The following RAB27B variants were observed in gnomAD, a reference collection of about 807,000 sequenced individuals.
RAB27B encodes RAB27B, member RAS oncogene family, also known as ras-related protein Rab-27B.
In RAB27B, 15 loss-of-function variants were observed where a neutral mutation model predicts 24.6. The observed-to-expected ratio is 0.61, with a 90% CI of 0.41 to 0.94. The LOEUF (loss-of-function observed/expected upper bound fraction) is 0.94. Ranked by LOEUF, RAB27B falls within the 40% of genes least tolerant of loss-of-function variation. The pLI is 0.00. For missense variants in RAB27B, 261 were observed against 266.8 expected (o/e 0.98, Z 0.15); for synonymous variants, 105 against 92.5 (o/e 1.14, Z -0.78).
At chr18:54,808,247 G>C (rs1909855951) in intron 2 of RAB27B, among the ~76,000 whole-genome samples, 1 of 152,168 alleles carries the variant, frequency 6.6e-6, no homozygotes, top group African/African-American at 2.4e-5. Context: ...GCTTGGTACA[G>C]ATGACCCTCC....
At chr18:54,761,851 T>A (rs1908199670) in intron 2 of RAB27B, among the ~76,000 whole-genome samples, 1 of 152,230 alleles carries the variant, frequency 6.6e-6, no homozygotes, top group Non-Finnish European at 1.5e-5. Flanking sequence ...GATTGACTAG[T>A]GTCCCTCCAA....
At chr18:54,860,033 G>C (rs1475031579) in intron 1 of RAB27B, among the ~76,000 whole-genome samples, 1 of 152,136 alleles carries the variant, frequency 6.6e-6, no homozygotes, top group East Asian at 1.9e-4. Context: ...AGGCTAGTAA[G>C]TAGCCTATAA....
chr18:54,845,830 T>G (rs1911315417), intron 1 of RAB27B, among the ~76,000 whole-genome samples: 1 of 152,334 alleles, frequency 6.6e-6, no homozygotes, highest in Middle Eastern at 3.4e-3. Flanking sequence ...GATTCACTAA[T>G]CATGTATTTG....
chr18:54,798,374 T>C (rs902907168), intron 2 of RAB27B, among the ~76,000 whole-genome samples: 20 of 152,246 alleles, frequency 1.3e-4, no homozygotes, highest in African/African-American at 4.6e-4. Flanking sequence ...TGCACAACTC[T>C]TCCATTTTGC....
At chr18:54,814,167 A>T (rs1175245464) in intron 2 of RAB27B, among the ~76,000 whole-genome samples, 2 of 152,216 alleles carry the variant, frequency 1.3e-5, no homozygotes, top group Non-Finnish European at 2.9e-5. Context: ...ATTGTTAGGG[A>T]CAGCAAACTC....
intron 1 of RAB27B, among the ~76,000 whole-genome samples, chr18:54,856,438 CA>C (rs1358110061): frequency 2.6e-5 from 4 of 152,174 alleles, no homozygotes; most frequent in African/African-American, 9.7e-5. Context: ...GATAGGAAGC[CA>C]CTGGAAAATA....
At chr18:54,841,250 A>C (rs1833286) in intron 1 of RAB27B, among the ~76,000 whole-genome samples, 139,542 of 147,404 alleles carry the variant, frequency 0.95, 66,554 homozygotes, top group East Asian at 1. Flanking sequence ...AACTGCAGAT[A>C]AGAAGTATTT....
chr18:54,887,912 G>T, intron 4 of RAB27B, 83 bp from the exon 5 acceptor site: 2 of 1,499,678 alleles, frequency 1.3e-6, no homozygotes, highest in South Asian at 1.3e-5. Flanking sequence ...TAAGCAATTA[G>T]ATCAGGAATC....
At chr18:54,857,194 C>T (rs1911817875) in intron 1 of RAB27B, among the ~76,000 whole-genome samples, 1 of 152,176 alleles carries the variant, frequency 6.6e-6, no homozygotes, top group South Asian at 2.1e-4. Context: ...CTCATAAGGT[C>T]TCCACCTGGG....
At chr18:54,863,486 T>C (rs764209231) in intron 1 of RAB27B, among the ~76,000 whole-genome samples, 4 of 152,228 alleles carry the variant, frequency 2.6e-5, no homozygotes, top group Admixed American at 1.3e-4. Flanking sequence ...ATTCTTATCT[T>C]GTTGGGGTTT....
chr18:54,755,469 C>T (rs987993062), intron 2 of RAB27B, among the ~76,000 whole-genome samples: 2 of 152,130 alleles, frequency 1.3e-5, no homozygotes, highest in Non-Finnish European at 2.9e-5. Flanking sequence ...TTCTCTGTGG[C>T]ATCAGGTTTA....
intron 2 of RAB27B, among the ~76,000 whole-genome samples, chr18:54,794,388 G>A (rs1367587030): frequency 6.6e-6 from 1 of 152,182 alleles, no homozygotes; most frequent in African/African-American, 2.4e-5. Flanking sequence ...TAAATAAAAA[G>A]TTGAGAATAA....
At chr18:54,842,987 G>A (rs909273632) in intron 1 of RAB27B, among the ~76,000 whole-genome samples, 3 of 152,036 alleles carry the variant, frequency 2.0e-5, no homozygotes, top group Admixed American at 6.6e-5. Flanking sequence ...TAGTAGAGAC[G>A]GTGTTTCACC....
chr18:54,737,604 A>G (rs938808722), intron 2 of RAB27B, among the ~76,000 whole-genome samples: 1 of 152,178 alleles, frequency 6.6e-6, no homozygotes, highest in Non-Finnish European at 1.5e-5. Flanking sequence ...GCACAAAATA[A>G]TCTTTGTATT....
chr18:54,839,620 T>C (rs1911030278), intron 1 of RAB27B, among the ~76,000 whole-genome samples: 2 of 152,212 alleles, frequency 1.3e-5, no homozygotes, highest in Admixed American at 6.5e-5. Flanking sequence ...AGGTTTCTTA[T>C]CTACTAAGGT....
At chr18:54,806,026 A>G (rs1303428319) in intron 2 of RAB27B, among the ~76,000 whole-genome samples, 1 of 152,208 alleles carries the variant, frequency 6.6e-6, no homozygotes, top group Non-Finnish European at 1.5e-5. Flanking sequence ...TAGCTGTTTC[A>G]TCATGACCCA....
chr18:54,800,462 C>T (rs999809936), intron 2 of RAB27B, among the ~76,000 whole-genome samples: 1 of 152,240 alleles, frequency 6.6e-6, no homozygotes, highest in Non-Finnish European at 1.5e-5. Flanking sequence ...CCCACCAATG[C>T]TCCACAGCAC....
chr18:54,869,966 A>T (rs1912397605), intron 1 of RAB27B, among the ~76,000 whole-genome samples: 1 of 152,166 alleles, frequency 6.6e-6, no homozygotes, highest in Non-Finnish European at 1.5e-5. Flanking sequence ...AAAACAGAAG[A>T]TAATTCAGAA....
In RAB27B at chr18:54,737,171, G is replaced by A. The variant is rs75675805; in HGVS notation, c.-20+19030G>A. 1.7e-3 allele frequency among the ~76,000 whole-genome samples: 261 copies of A among 152,154 alleles called. 4 individuals are homozygous for A. The East Asian group carries it at 0.04, about 24-fold the overall frequency. On this transcript the variant is annotated intron_variant, in intron 2 of 4. Coordinates refer to the RAB27B transcript ENST00000586570. The stretch of plus-strand genomic sequence containing the variant: ...TGGACTTTCCACAAAGGTCAGTTTC[G>A]AACCATATCATAGTTTACTCATTCA...
Sources: allele counts gnomAD v4.1 joint callset (sites outside exome capture counted in the v4.1 genomes callset), GRCh38; gene constraint gnomAD v4.1.1; transcripts MANE v1.5; gene names NCBI Gene and HGNC (gene_info 2026-07-23, HGNC 2026-07-21).